Variants in ROBO2 observed in about 807,000 individuals in gnomAD.
The protein encoded by ROBO2 is roundabout homolog 2.
Under a neutral mutation model 160.8 loss-of-function variants are expected in ROBO2, and 53 were observed. The observed-to-expected ratio is 0.33, with a 90% CI of 0.26 to 0.41. The LOEUF is 0.41. Among genes scored for constraint, ROBO2 ranks in the 10% least tolerant of loss-of-function variants. The probability of loss-of-function intolerance (pLI) is 1.00; values close to 1 mark genes in which losing one functional copy is unlikely to be tolerated. For missense variants in ROBO2, 1,577 were observed against 1,722.4 expected (o/e 0.92, Z 1.49); for synonymous variants, 664 against 611.7 (o/e 1.09, Z -1.26).
intron 2 of ROBO2, among the ~76,000 whole-genome samples, chr3:76,146,151 A>G (rs1369361046): frequency 3.3e-5 from 5 of 152,024 alleles, no homozygotes; most frequent in African/African-American, 9.7e-5. Context: ...CACTAGATCT[A>G]TGTAAACCCC....
intron 2 of ROBO2, among the ~76,000 whole-genome samples, chr3:76,813,122 A>G (rs1171544514): frequency 6.6e-6 from 1 of 152,084 alleles, no homozygotes; most frequent in Non-Finnish European, 1.5e-5. Flanking sequence ...GACTCTTTTA[A>G]GTACAGTCAT....
chr3:76,272,780 AATATATAAAATATAT>A (rs1468386127), intron 2 of ROBO2, among the ~76,000 whole-genome samples: 1 of 23,516 alleles, frequency 4.3e-5, no homozygotes, highest in Non-Finnish European at 1.0e-4. Context: ...TTATATATAA[AATATATAAAATATAT>A]ATATATAAAA....
chr3:76,366,913 A>G (rs2075843145), intron 2 of ROBO2, among the ~76,000 whole-genome samples: 1 of 152,046 alleles, frequency 6.6e-6, no homozygotes, highest in Non-Finnish European at 1.5e-5. Flanking sequence ...AATAAAAATT[A>G]TAACCAAAAG....
chr3:77,053,210 A>G (rs2065393271), intron 1 of ROBO2, among the ~76,000 whole-genome samples: 1 of 152,214 alleles, frequency 6.6e-6, no homozygotes, highest in Non-Finnish European at 1.5e-5. Flanking sequence ...ATCCAAGGGA[A>G]TGCTTTGCCA....
chr3:76,796,843 A>G (rs1257196087), intron 2 of ROBO2, among the ~76,000 whole-genome samples: 1 of 152,072 alleles, frequency 6.6e-6, no homozygotes, highest in Non-Finnish European at 1.5e-5. Context: ...AAAACTGTAA[A>G]AGGAATCAAG....
chr3:77,148,547 A>G (rs955417988), intron 2 of ROBO2, among the ~76,000 whole-genome samples: 1 of 152,218 alleles, frequency 6.6e-6, no homozygotes, highest in African/African-American at 2.4e-5. Flanking sequence ...TTCAGTTCTC[A>G]TGTTCCCATT....
At chr3:77,327,036 T>C (rs2065468259) in intron 2 of ROBO2, among the ~76,000 whole-genome samples, 1 of 152,224 alleles carries the variant, frequency 6.6e-6, no homozygotes, top group South Asian at 2.1e-4. Flanking sequence ...CAGGCAGTTC[T>C]CAATTTACAA....
At chr3:76,733,759 T>G (rs753391310) in intron 2 of ROBO2, among the ~76,000 whole-genome samples, 7 of 152,204 alleles carry the variant, frequency 4.6e-5, no homozygotes, top group African/African-American at 7.2e-5. Context: ...CATTTATGTT[T>G]GTCCACTGTC....
At chr3:76,668,334 C>G (rs578072646) in intron 2 of ROBO2, among the ~76,000 whole-genome samples, 1 of 152,146 alleles carries the variant, frequency 6.6e-6, no homozygotes, top group East Asian at 1.9e-4. Context: ...TCTCAATCTC[C>G]TGGGCTCAAG....
chr3:77,511,698 A>AG (rs1308389220), intron 5 of ROBO2, among the ~76,000 whole-genome samples: 2 of 151,888 alleles, frequency 1.3e-5, no homozygotes, highest in African/African-American at 4.8e-5. Context: ...AAGTCAAGAG[A>AG]GGCTAAAATA....
chr3:77,316,728 A>G, intron 2 of ROBO2: 1 of 907,920 alleles, frequency 1.1e-6, no homozygotes, highest in Non-Finnish European at 1.8e-6. Flanking sequence ...AATAGTTTAA[A>G]TTAAACAATT....
chr3:77,048,076 C>G (rs981032316), intron 1 of ROBO2, among the ~76,000 whole-genome samples: 4 of 152,110 alleles, frequency 2.6e-5, no homozygotes, highest in African/African-American at 4.8e-5. Flanking sequence ...ATGCCATGAA[C>G]AGTGTACTTT....
At chr3:76,695,069 A>G (rs897542657) in intron 2 of ROBO2, among the ~76,000 whole-genome samples, 2 of 152,176 alleles carry the variant, frequency 1.3e-5, no homozygotes, top group African/African-American at 4.8e-5. Context: ...GTGCCATTGC[A>G]CTCCAGCCTG....
intron 2 of ROBO2, among the ~76,000 whole-genome samples, chr3:76,905,975 A>G (rs1481039438): frequency 6.6e-6 from 1 of 152,182 alleles, no homozygotes. Context: ...GAAGACAAGT[A>G]TAAGAACTGA....
intron 5 of ROBO2, among the ~76,000 whole-genome samples, chr3:77,516,829 T>C (rs2090069750): frequency 6.6e-6 from 1 of 151,676 alleles, no homozygotes; most frequent in Non-Finnish European, 1.5e-5. Flanking sequence ...TATTTCAAAT[T>C]AGTTAATCTC....
At chr3:76,019,766 A>G (rs1032588666) in intron 2 of ROBO2, among the ~76,000 whole-genome samples, 1 of 151,136 alleles carries the variant, frequency 6.6e-6, no homozygotes, top group African/African-American at 2.4e-5. Context: ...ATTCCTTGGA[A>G]TTGTCTAATA....
At chr3:76,008,488 A>G (rs981267213) in intron 2 of ROBO2, among the ~76,000 whole-genome samples, 1 of 152,192 alleles carries the variant, frequency 6.6e-6, no homozygotes, top group Non-Finnish European at 1.5e-5. Flanking sequence ...AATGAAAAAA[A>G]GAAAATCAGA....
intron 2 of ROBO2, among the ~76,000 whole-genome samples, chr3:77,444,668 A>G (rs2080282967): frequency 6.6e-6 from 1 of 152,208 alleles, no homozygotes; most frequent in Non-Finnish European, 1.5e-5. Context: ...TTGCTGCTTG[A>G]TACTGAAGGC....
intron 21 of ROBO2, among the ~76,000 whole-genome samples, chr3:77,616,869 A>G (rs899391813): frequency 2.0e-5 from 3 of 152,104 alleles, no homozygotes; most frequent in Admixed American, 6.6e-5. Flanking sequence ...CTCGTGTTAA[A>G]GTTTTTTACT....
Sources: allele counts gnomAD v4.1 joint callset (sites outside exome capture counted in the v4.1 genomes callset), GRCh38; gene constraint gnomAD v4.1.1; transcripts MANE v1.5; gene names NCBI Gene and HGNC (gene_info 2026-07-23, HGNC 2026-07-21).